Variants in ASAP1 observed in about 807,000 individuals in gnomAD.
ASAP1 encodes arf-GAP with SH3 domain, ANK repeat and PH domain-containing protein 1.
A neutral mutation model predicts 145.2 loss-of-function variants in ASAP1; 43 were observed. That is an observed-to-expected ratio of 0.30 (90% CI 0.23 to 0.38). The LOEUF (loss-of-function observed/expected upper bound fraction) is 0.38, where lower values mean the gene tolerates loss of function less well. Among genes scored for constraint, ASAP1 ranks in the 10% least tolerant of loss-of-function variants. ASAP1 has a pLI of 1.00. For missense variants in ASAP1, 1,018 were observed against 1,355.3 expected (o/e 0.75, Z 3.91); for synonymous variants, 546 against 515.5 (o/e 1.06, Z -0.80).
At chr8:130,331,056 G>C (rs1243632658) in intron 3 of ASAP1, among the ~76,000 whole-genome samples, 3 of 152,122 alleles carry the variant, frequency 2.0e-5, no homozygotes, top group Non-Finnish European at 4.4e-5. Flanking sequence ...GCTGCAAAAA[G>C]GGAATAAGAT....
intron 3 of ASAP1, among the ~76,000 whole-genome samples, chr8:130,342,956 C>T (rs568082749): frequency 1.3e-5 from 2 of 152,214 alleles, no homozygotes; most frequent in East Asian, 1.9e-4. Flanking sequence ...CATGTGTGAA[C>T]GAAGGGGCAG....
At chr8:130,217,104 A>C (rs1816974436) in intron 4 of ASAP1, among the ~76,000 whole-genome samples, 1 of 152,216 alleles carries the variant, frequency 6.6e-6, no homozygotes, top group Admixed American at 6.5e-5. Flanking sequence ...TATGGCATGC[A>C]CCATCCAAGG....
At chr8:130,137,110 G>C in intron 13 of ASAP1, 72 bp from the exon 14 acceptor site, 1 of 1,269,046 alleles carries the variant, frequency 7.9e-7, no homozygotes, top group Admixed American at 1.7e-5. Context: ...GTGCCCTGTA[G>C]GGCAGGTATG....
chr8:130,367,271 G>C (rs1413152561), intron 2 of ASAP1, among the ~76,000 whole-genome samples: 1 of 152,160 alleles, frequency 6.6e-6, no homozygotes, highest in Non-Finnish European at 1.5e-5. Flanking sequence ...TGTAGGCAGA[G>C]ATACTGGTTT....
At chr8:130,372,172 T>C (rs1258195072) in intron 2 of ASAP1, among the ~76,000 whole-genome samples, 1 of 152,196 alleles carries the variant, frequency 6.6e-6, no homozygotes. Context: ...ATCTCAGAAA[T>C]TGTTTCAGAG....
intron 3 of ASAP1, among the ~76,000 whole-genome samples, chr8:130,325,260 G>T (rs972857580): frequency 2.0e-5 from 3 of 152,140 alleles, no homozygotes; most frequent in Admixed American, 1.3e-4. Flanking sequence ...ATTGGAGAAA[G>T]AATTCCTTTC....
rs575503697 is a variant in ASAP1, at chr8:130,319,082, A to C, written c.186+38935T>G. Among the ~76,000 whole-genome samples, 7 of 152,348 alleles carry C rather than the reference A, an allele frequency of 4.6e-5. No individual in the cohort carries two copies. In the East Asian group the frequency reaches 1.3e-3, roughly 29 times the overall value. On this transcript the variant is annotated intron_variant, in intron 3 of 29. Transcript: ENST00000518721. ...TGTCAGTCTTCTGAAGCGTTTTTAC[A>C]ATTTTCACTTCCTCTGTAGCAATTA...
At chr8:130,195,842 T>C (rs1401338509) in intron 5 of ASAP1, among the ~76,000 whole-genome samples, 1 of 152,254 alleles carries the variant, frequency 6.6e-6, no homozygotes, top group African/African-American at 2.4e-5. Context: ...TGGAGATGAC[T>C]TCATAAACAG....
intron 4 of ASAP1, among the ~76,000 whole-genome samples, chr8:130,232,605 G>A (rs987884421): frequency 2.0e-5 from 3 of 151,188 alleles, no homozygotes; most frequent in Non-Finnish European, 4.4e-5. Flanking sequence ...CAAAGGGCTT[G>A]CATGGAGACA....
chr8:130,226,774 T>A (rs529825411), intron 4 of ASAP1, among the ~76,000 whole-genome samples: 1 of 152,342 alleles, frequency 6.6e-6, no homozygotes, highest in East Asian at 1.9e-4. Flanking sequence ...CACTCTCCTA[T>A]AGCAGAAGCA....
chr8:130,285,415 C>T (rs905459514), intron 3 of ASAP1, among the ~76,000 whole-genome samples: 11 of 151,934 alleles, frequency 7.2e-5, no homozygotes, highest in Non-Finnish European at 2.9e-5. Context: ...TTATGTATGT[C>T]GGCCAAAACA....
chr8:130,258,521 A>C (rs1374238125), intron 3 of ASAP1, among the ~76,000 whole-genome samples: 2 of 152,198 alleles, frequency 1.3e-5, no homozygotes, highest in African/African-American at 4.8e-5. Flanking sequence ...ATGTAAGTGT[A>C]GTGGAAACAA....
intron 3 of ASAP1, among the ~76,000 whole-genome samples, chr8:130,349,829 CAA>C (rs1392608951): frequency 6.6e-6 from 1 of 152,144 alleles, no homozygotes; most frequent in Non-Finnish European, 1.5e-5. Context: ...CTTTAATACT[CAA>C]AAAGCAATGT....
chr8:130,211,326 C>A (rs1230556550), intron 5 of ASAP1, among the ~76,000 whole-genome samples: 1 of 152,146 alleles, frequency 6.6e-6, no homozygotes, highest in South Asian at 2.1e-4. Flanking sequence ...CAGCCTCAGC[C>A]CTATGCACTG....
intron 13 of ASAP1, among the ~76,000 whole-genome samples, chr8:130,144,972 T>TC (rs2097624223): frequency 6.6e-6 from 1 of 152,156 alleles, no homozygotes; most frequent in South Asian, 2.1e-4. Flanking sequence ...GAGAGGATGT[T>TC]CCACTCAAAT....
At chr8:130,191,424 G>GTCCA (rs1469384143) in intron 5 of ASAP1, among the ~76,000 whole-genome samples, 2 of 152,158 alleles carry the variant, frequency 1.3e-5, no homozygotes, top group Non-Finnish European at 2.9e-5. Context: ...CTGTCAGCCT[G>GTCCA]TCCATCCATC....
At chr8:130,250,893 G>A (rs938054508) in intron 3 of ASAP1, among the ~76,000 whole-genome samples, 1 of 152,098 alleles carries the variant, frequency 6.6e-6, no homozygotes, top group South Asian at 2.1e-4. Context: ...GGTAAATTTG[G>A]AAAATACTAC....
intron 3 of ASAP1, among the ~76,000 whole-genome samples, chr8:130,276,728 ACTCTCTCTCT>A (rs10678909): frequency 3.2e-3 from 280 of 87,312 alleles, no homozygotes; most frequent in Non-Finnish European, 4.2e-3. Context: ...ACACACACAC[ACTCTCTCTCT>A]CTCTCTCTCT....
chr8:130,304,565 T>C (rs1822877597), intron 3 of ASAP1, among the ~76,000 whole-genome samples: 3 of 152,300 alleles, frequency 2.0e-5, no homozygotes, highest in African/African-American at 4.8e-5. Flanking sequence ...ACACAACCAA[T>C]AGTCTTCTAT....
Sources: gnomAD v4.1 joint callset for allele counts (sites outside exome capture counted in the v4.1 genomes callset) on GRCh38, gnomAD v4.1.1 for gene constraint, MANE v1.5 for transcripts, NCBI Gene and HGNC (gene_info 2026-07-23, HGNC 2026-07-21) for gene names.